MAGI2: variants seen among roughly 807,000 people sequenced by gnomAD.
The protein encoded by MAGI2 is membrane-associated guanylate kinase, WW and PDZ domain-containing protein 2.
A neutral mutation model predicts 133.3 loss-of-function variants in MAGI2; 35 were observed. The observed-to-expected ratio is 0.26, with a 90% confidence interval of 0.20 to 0.35. The LOEUF (loss-of-function observed/expected upper bound fraction) is 0.35. Among genes scored for constraint, MAGI2 ranks in the 10% least tolerant of loss-of-function variants. The pLI, the probability that MAGI2 is intolerant of heterozygous loss-of-function variation, is 1.00. For missense variants in MAGI2, 1,636 were observed against 1,863.4 expected, an observed-to-expected ratio of 0.88 and a Z score of 2.25; for synonymous variants, 729 against 710.6, an observed-to-expected ratio of 1.03 and a Z score of -0.41.
chr7:79,206,962 A>C (rs1054461969), intron 1 of MAGI2, among the ~76,000 whole-genome samples: 1 of 151,966 alleles, frequency 6.6e-6, no homozygotes, highest in African/African-American at 2.4e-5. Context: ...GAAAGACAAA[A>C]GTGATATAAT....
chr7:78,279,999 C>T (rs1446370920), intron 9 of MAGI2, among the ~76,000 whole-genome samples: 3 of 152,262 alleles, frequency 2.0e-5, no homozygotes, highest in Non-Finnish European at 2.9e-5. Context: ...GGCAAGCAAA[C>T]CCAGCTTAAT....
intron 3 of MAGI2, among the ~76,000 whole-genome samples, chr7:78,552,086 C>T (rs1430772818): frequency 2.0e-5 from 3 of 150,932 alleles, no homozygotes; most frequent in African/African-American, 7.3e-5. Flanking sequence ...AATATACTTT[C>T]AGCAATCTTA....
chr7:79,136,080 A>AGAAAGAAAGAAAGAAAGAAAGAAAGAAG (rs1821501706), intron 1 of MAGI2, among the ~76,000 whole-genome samples: 16 of 128,226 alleles, frequency 1.2e-4, no homozygotes, highest in African/African-American at 4.2e-4. Context: ...AAAGAAAGAA[A>AGAAAGAAAGAAAGAAAGAAAGAAAGAAG]GAAAGAAAGA....
chr7:78,121,000 C>CAAAAAAA lies in MAGI2; in HGVS notation c.3567+4687_3567+4693dup, dbSNP rs67572219. Reference sequence around the variant, plus strand: ...TGGGCGACAGAGCGAGACTCCGTCTCAAAAAAAAAAAAAAAAAAAAATAAT... The same window carrying CAAAAAAA: ...TGGGCGACAGAGCGAGACTCCGTCTCAAAAAAAAAAAAAAAAAAAAAAAAAAAATAAT... On this transcript the variant is annotated intron_variant, in intron 20 of 21. Coordinates refer to ENST00000354212, the MANE Select transcript of MAGI2 (RefSeq NM_012301.4). Among the ~76,000 whole-genome samples, 216 of 75,084 alleles carry CAAAAAAA rather than the reference C, an allele frequency of 2.9e-3. 3 individuals carry two copies. Among genetic ancestry groups the CAAAAAAA allele is most frequent in the African/African-American group, 3.3e-3 (59 of 17,952 alleles). The allele number at this position is 75,084 out of a possible 152,430, so 49.3% of individuals were successfully genotyped here. A position where few individuals can be genotyped will look rare whatever the true frequency, so the allele number is the denominator to read the frequency against.
chr7:78,912,943 G>A (rs1158706312), intron 2 of MAGI2, among the ~76,000 whole-genome samples: 1 of 151,586 alleles, frequency 6.6e-6, no homozygotes, highest in Non-Finnish European at 1.5e-5. Flanking sequence ...CAGAAAGAGA[G>A]ATAGTTAAGC....
chr7:78,311,038 C>T (rs1798657091), intron 9 of MAGI2, among the ~76,000 whole-genome samples: 2 of 152,154 alleles, frequency 1.3e-5, no homozygotes, highest in Admixed American at 6.5e-5. Flanking sequence ...TTCTCAGTGC[C>T]TTCTAAGTGC....
chr7:78,473,407 A>G (rs915082422), intron 6 of MAGI2, among the ~76,000 whole-genome samples: 32 of 152,050 alleles, frequency 2.1e-4, no homozygotes, highest in African/African-American at 7.5e-4. Flanking sequence ...CATCTTCACT[A>G]TGCTCATCTA....
chr7:78,899,440 A>G (rs1266078587), intron 2 of MAGI2, among the ~76,000 whole-genome samples: 1 of 152,216 alleles, frequency 6.6e-6, no homozygotes, highest in Non-Finnish European at 1.5e-5. Flanking sequence ...AGGCACTACA[A>G]GCAATGAATC....
chr7:78,352,460 T>C (rs10267588), intron 7 of MAGI2, among the ~76,000 whole-genome samples: 3,088 of 152,280 alleles, frequency 0.02, 99 homozygotes, highest in African/African-American at 0.069. Context: ...TCTTGAAAGA[T>C]TTCTTCCCAA....
intron 1 of MAGI2, among the ~76,000 whole-genome samples, chr7:79,443,208 G>T (rs1848605966): frequency 6.6e-6 from 1 of 151,864 alleles, no homozygotes; most frequent in Non-Finnish European, 1.5e-5. Flanking sequence ...GGAGTCGGAG[G>T]TCTCTGTGAG....
intron 2 of MAGI2, among the ~76,000 whole-genome samples, chr7:78,686,730 C>T (rs1816359027): frequency 6.6e-6 from 1 of 152,124 alleles, no homozygotes; most frequent in Non-Finnish European, 1.5e-5. Flanking sequence ...TAGCTATCTT[C>T]ATATGACAGC....
chr7:78,493,651 C>T (rs1199301878), intron 5 of MAGI2, among the ~76,000 whole-genome samples: 1 of 151,828 alleles, frequency 6.6e-6, no homozygotes, highest in East Asian at 1.9e-4. Flanking sequence ...TGGTCTGAAA[C>T]CAGAGGCATC....
At chr7:78,988,417 C>CA (rs1246857982) in intron 2 of MAGI2, among the ~76,000 whole-genome samples, 2 of 151,680 alleles carry the variant, frequency 1.3e-5, no homozygotes, top group Admixed American at 6.6e-5. Context: ...TAGCACAAAA[C>CA]AAAAAAATAT....
At chr7:78,340,337 C>A (rs1219460578) in intron 9 of MAGI2, among the ~76,000 whole-genome samples, 2 of 152,000 alleles carry the variant, frequency 1.3e-5, no homozygotes, top group African/African-American at 4.8e-5. Flanking sequence ...CAAAAAATGT[C>A]CAGGACCAGA....
intron 2 of MAGI2, among the ~76,000 whole-genome samples, chr7:78,759,395 A>G (rs1824264631): frequency 6.6e-6 from 1 of 152,214 alleles, no homozygotes; most frequent in Non-Finnish European, 1.5e-5. Context: ...TTTAAACCCA[A>G]GAAAACAGCT....
At chr7:78,960,717 G>A (rs927342098) in intron 2 of MAGI2, among the ~76,000 whole-genome samples, 7 of 152,076 alleles carry the variant, frequency 4.6e-5, no homozygotes, top group African/African-American at 1.7e-4. Flanking sequence ...GAGAGGTAAA[G>A]ACAGTTGCAC....
rs749153884 is a variant in MAGI2 at position 78,130,566 on chromosome 7, A to T, written c.3203+2323T>A. ...TGCAATTGGGAAAAATGTTTCTGGT[A>T]CCTGTAAGATTACTGAATCTCTTCA... On this transcript the variant is annotated intron_variant, in intron 18 of 21. Transcript: ENST00000354212. 1.3e-4 allele frequency among the ~76,000 whole-genome samples: 20 copies of T among 152,188 alleles called. 1 individual carries two copies. The highest frequency in any genetic ancestry group is 3.3e-4 in the Admixed American group (5 of 15,280).
chr7:79,411,851 T>C (rs1446395692), intron 1 of MAGI2: 1 of 151,808 alleles, frequency 6.6e-6, no homozygotes, highest in Non-Finnish European at 1.5e-5. Flanking sequence ...CCTATTGACA[T>C]GAAAGGAAAA....
intron 1 of MAGI2, among the ~76,000 whole-genome samples, chr7:79,206,937 A>C (rs537742387): frequency 6.6e-6 from 1 of 152,086 alleles, no homozygotes; most frequent in African/African-American, 2.4e-5. Context: ...AGGTGAAACA[A>C]CACATAAACA....
Sources: allele counts gnomAD v4.1 joint callset (sites outside exome capture counted in the v4.1 genomes callset), GRCh38; gene constraint gnomAD v4.1.1; transcripts MANE v1.5; gene names NCBI Gene and HGNC (gene_info 2026-07-23, HGNC 2026-07-21).